Variants in KCNMB4 observed in about 807,000 individuals in gnomAD.
KCNMB4 encodes the protein calcium-activated potassium channel subunit beta-4.
Under a neutral mutation model 20.7 loss-of-function variants are expected in KCNMB4, and 3 were observed. That is an observed-to-expected ratio of 0.14 (90% confidence interval 0.07 to 0.37). KCNMB4 has a LOEUF of 0.37. Ranked by LOEUF, KCNMB4 falls within the 10% of genes least tolerant of loss-of-function variation. The pLI is 1.00. For missense variants in KCNMB4, 168 were observed against 265.9 expected (o/e 0.63, Z 2.56); for synonymous variants, 110 against 113.4 (o/e 0.97, Z 0.19).
At position 70,366,599 on chromosome 12, in the gene KCNMB4, C is replaced by A; in HGVS notation, c.-136C>A. 2.0e-6 allele frequency: 1 copy of A among 492,874 alleles called. No individual in the cohort carries two copies. The highest frequency in any genetic ancestry group is 2.9e-6 in the Non-Finnish European group (1 of 343,292). The allele number at this position is 492,874 out of a possible 1,614,324, so 30.5% of individuals were successfully genotyped here. A position where few individuals can be genotyped will look rare whatever the true frequency, so the allele number is the denominator to read the frequency against. On this transcript the variant is annotated 5_prime_UTR_variant, in exon 1 of 3. Coordinates refer to ENST00000258111, the MANE Select transcript of KCNMB4 (RefSeq NM_014505.6). ...GGCCCCTTTGTTCTCGCGCGCTCCCCCTCGCCGCCCACTCCCCTGCTGTCG... is the reference window on the plus strand; with the variant it reads ...GGCCCCTTTGTTCTCGCGCGCTCCCACTCGCCGCCCACTCCCCTGCTGTCG...
intron 1 of KCNMB4, among the ~76,000 whole-genome samples, chr12:70,367,388 G>A (rs1160959684): frequency 1.3e-5 from 2 of 152,142 alleles, no homozygotes; most frequent in East Asian, 3.9e-4. Context: ...AGTGCAAGGA[G>A]CCAAGAAAGT....
intron 1 of KCNMB4, 135 bp downstream of exon 1, chr12:70,367,205 C>G (rs1038488826): frequency 3.1e-6 from 2 of 648,164 alleles, no homozygotes; most frequent in Non-Finnish European, 4.9e-6. Flanking sequence ...AGGCTGTGCT[C>G]AAACCAGGAA....
Position 70,433,412 on chromosome 12 carries a change from G to A in KCNMB4, c.*2759G>A, listed in dbSNP as rs1300681674. On this transcript the variant is annotated 3_prime_UTR_variant, in exon 3 of 3. Coordinates refer to ENST00000258111, the MANE Select transcript of KCNMB4 (RefSeq NM_014505.6). ...ACCCAAGGGTATTGTTCTTTCCATG[G>A]TCAAAGCTGGCTCAAGACTTCCTAG... 1 of 152,124 alleles carries A rather than the reference G, an allele frequency of 6.6e-6. No individual in the cohort carries two copies. Among genetic ancestry groups the A allele is most frequent in the Non-Finnish European group, 1.5e-5 (1 of 68,030 alleles). 9.4% of individuals were successfully genotyped at this position (152,124 alleles called of 1,614,324 possible). A position where few individuals can be genotyped will look rare whatever the true frequency, so the allele number is the denominator to read the frequency against.
At chr12:70,367,545 G>A (rs1334714211) in intron 1 of KCNMB4, among the ~76,000 whole-genome samples, 1 of 152,146 alleles carries the variant, frequency 6.6e-6, no homozygotes, top group African/African-American at 2.4e-5. Context: ...AAAGTTGTGA[G>A]AGAGTTCCTC....
rs1447113425 is a variant in KCNMB4 at position 70,366,900 on chromosome 12, G to A, written c.166G>A (p.Val56Met). 6.2e-7 allele frequency: 1 copy of A among 1,613,540 alleles called. No individual in the cohort carries two copies. Among genetic ancestry groups the A allele is most frequent in the Non-Finnish European group, 8.5e-7 (1 of 1,179,910 alleles). The stretch of plus-strand genomic sequence containing the variant: ...GCAAGCCACGGAGGCCAATTGCACG[G>A]TGCTGTCGGTGCAGCAGATCGGCGA... Reference protein sequence around the residue: ...DLQATEANCTVLSVQQIGEVF... With the variant: ...DLQATEANCTMLSVQQIGEVF... Residue 56 changes from valine to methionine, a missense_variant, in exon 1 of 3, where the codon GTG becomes ATG. By Grantham distance (21) the Val-to-Met change is conservative. Coordinates refer to ENST00000258111, the MANE Select transcript of KCNMB4 (RefSeq NM_014505.6).
intron 1 of KCNMB4, among the ~76,000 whole-genome samples, chr12:70,381,165 C>T (rs1376878809): frequency 6.6e-6 from 1 of 151,534 alleles, no homozygotes; most frequent in East Asian, 1.9e-4. Flanking sequence ...CATTTTTAGT[C>T]ATGAGGGAAA....
At chr12:70,385,971 A>G (rs1271253316) in intron 1 of KCNMB4, among the ~76,000 whole-genome samples, 1 of 152,230 alleles carries the variant, frequency 6.6e-6, no homozygotes, top group East Asian at 1.9e-4. Context: ...CCAGAGAAAC[A>G]GAAATAAGGA....
intron 1 of KCNMB4, among the ~76,000 whole-genome samples, chr12:70,369,070 AT>A: frequency 6.6e-6 from 1 of 152,214 alleles, no homozygotes; most frequent in East Asian, 1.9e-4. Flanking sequence ...AACAAAATAC[AT>A]TTTATAAAGT....
intron 1 of KCNMB4, among the ~76,000 whole-genome samples, chr12:70,380,924 A>G (rs530301463): frequency 2.6e-4 from 40 of 152,366 alleles, no homozygotes; most frequent in African/African-American, 9.4e-4. Flanking sequence ...AATTAAAAAC[A>G]TTTGTGCTTC....
chr12:70,374,047 C>G (rs551218094), intron 1 of KCNMB4, among the ~76,000 whole-genome samples: 2 of 152,138 alleles, frequency 1.3e-5, no homozygotes, highest in Non-Finnish European at 2.9e-5. Context: ...CTGAGATTAT[C>G]GTAATGTATC....
Position 70,377,454 on chromosome 12 carries a change from A to G in KCNMB4, c.336+10384A>G, listed in dbSNP as rs902831451. Among the ~76,000 whole-genome samples, 6 of 152,340 alleles carry G rather than the reference A, an allele frequency of 3.9e-5. No individual in the cohort carries two copies. In the East Asian group the frequency reaches 1.2e-3, roughly 29 times the overall value. ...TTTAAAAATATTTTATTACTGAAAAATGCTAGTAATGATCTGAGCATTTAG... is the reference window on the plus strand; with the variant it reads ...TTTAAAAATATTTTATTACTGAAAAGTGCTAGTAATGATCTGAGCATTTAG... On this transcript the variant is annotated intron_variant, in intron 1 of 2. Coordinates refer to ENST00000258111, the MANE Select transcript of KCNMB4 (RefSeq NM_014505.6).
In KCNMB4 at chr12:70,430,872, T is replaced by C; in HGVS notation, c.*219T>C. 1 of 476,490 alleles carries C rather than the reference T, an allele frequency of 2.1e-6. No individual in the cohort carries two copies. The highest frequency in any genetic ancestry group is 3.7e-6 in the Non-Finnish European group (1 of 273,662). 29.5% of individuals were successfully genotyped at this position (476,490 alleles called of 1,614,324 possible). On this transcript the variant is annotated 3_prime_UTR_variant, in exon 3 of 3. Coordinates refer to ENST00000258111, the MANE Select transcript of KCNMB4 (RefSeq NM_014505.6). ...TGTAGCAATGGCTAAAGGGTCAAGATCTTAGCTGTATGGAGTAACTATTTC... is the reference window on the plus strand; with the variant it reads ...TGTAGCAATGGCTAAAGGGTCAAGACCTTAGCTGTATGGAGTAACTATTTC...
Position 70,400,276 on chromosome 12 carries a change from A to G in KCNMB4, c.404A>G (p.Gln135Arg), listed in dbSNP as rs565199228. ...KNLESVMNWQ[Q>R]YWKDEIGSQP... is the part of the protein sequence containing the mutation. ...TTGGAAAGTGTCATGAATTGGCAAC[A>G]GTACTGGAAAGATGAGATTGGTTCC... The change falls in exon 2 of 3, where the codon CAG becomes CGG. Residue 135 changes from glutamine to arginine, a missense_variant. Gln to Arg is a conservative substitution (Grantham distance 43). Transcript: ENST00000258111. 1.8e-4 allele frequency: 286 copies of G among 1,613,176 alleles called. 3 individuals carry two copies. In the South Asian group the frequency reaches 2.7e-3, roughly 15 times the overall value.
intron 1 of KCNMB4, among the ~76,000 whole-genome samples, chr12:70,376,863 C>A (rs1306284472): frequency 1.5e-5 from 2 of 135,382 alleles, no homozygotes; most frequent in Non-Finnish European, 1.5e-5. Context: ...CAGAGTGAGA[C>A]CTTGTCTCAA....
intron 1 of KCNMB4, among the ~76,000 whole-genome samples, chr12:70,385,373 T>C (rs1162900417): frequency 6.6e-6 from 1 of 152,240 alleles, no homozygotes; most frequent in East Asian, 1.9e-4. Flanking sequence ...TCTGTTGAGC[T>C]TTCTTTCATC....
At chr12:70,414,502 A>G (rs1287962265) in intron 2 of KCNMB4, among the ~76,000 whole-genome samples, 1 of 152,114 alleles carries the variant, frequency 6.6e-6, no homozygotes, top group Non-Finnish European at 1.5e-5. Flanking sequence ...CCAAGTTCAT[A>G]TTGCCATCAC....
chr12:70,426,049 C>T (rs1242997066), intron 2 of KCNMB4, among the ~76,000 whole-genome samples: 1 of 151,898 alleles, frequency 6.6e-6, no homozygotes, highest in Non-Finnish European at 1.5e-5. Context: ...AATCCCAGCA[C>T]TTTGGGAGGC....
intron 1 of KCNMB4, among the ~76,000 whole-genome samples, chr12:70,396,214 G>T (rs1868349346): frequency 6.6e-6 from 1 of 152,162 alleles, no homozygotes; most frequent in Admixed American, 6.5e-5. Context: ...AGAAGACTAG[G>T]AATCCCTAAA....
chr12:70,379,200 A>G (rs1332779955), intron 1 of KCNMB4, among the ~76,000 whole-genome samples: 2 of 152,196 alleles, frequency 1.3e-5, no homozygotes, highest in Non-Finnish European at 2.9e-5. Flanking sequence ...CTTCAGCTTA[A>G]AGTCACCAGC....
Sources: allele counts gnomAD v4.1 joint callset (sites outside exome capture counted in the v4.1 genomes callset), GRCh38; gene constraint gnomAD v4.1.1; transcripts MANE v1.5; gene names NCBI Gene and HGNC (gene_info 2026-07-23, HGNC 2026-07-21).